ANO3: variants seen among roughly 807,000 people sequenced by gnomAD.
ANO3 encodes the protein anoctamin-3.
Under a neutral mutation model 144.8 loss-of-function variants are expected in ANO3, and 99 were observed. The observed-to-expected ratio is 0.68, with a 90% CI of 0.58 to 0.81. The LOEUF is 0.81. Ranked by LOEUF, ANO3 falls within the 30% of genes least tolerant of loss-of-function variation. The probability of loss-of-function intolerance (pLI) is 0.00; values close to 1 mark genes in which losing one functional copy is unlikely to be tolerated. For synonymous variants in ANO3, 414 were observed against 392.6 expected (o/e 1.05, Z -0.64); for missense variants, 905 against 1,202.2 (o/e 0.75, Z 3.66).
At chr11:26,400,831 G>T (rs1172546235) in intron 1 of ANO3, among the ~76,000 whole-genome samples, 1 of 137,234 alleles carries the variant, frequency 7.3e-6, no homozygotes, top group African/African-American at 2.7e-5. Flanking sequence ...TAGCCTATTT[G>T]CTGCCTAGAT....
chr11:26,489,586 C>T (rs1318707711), intron 4 of ANO3, among the ~76,000 whole-genome samples: 3 of 152,230 alleles, frequency 2.0e-5, no homozygotes, highest in African/African-American at 7.2e-5. Flanking sequence ...GCACTCAACA[C>T]TAGTGCATGA....
rs143117865 is a variant in ANO3 at position 26,549,087 on chromosome 11, A to T, written c.1289+1537A>T. ...ATGATACAGACTTCCCCACTCCACC[A>T]CTACAAAGCTGAAAATGAACAAAGA... On this transcript the variant is annotated intron_variant, in intron 12 of 26. Transcript: ENST00000256737. 6.2e-3 allele frequency among the ~76,000 whole-genome samples: 948 copies of T among 152,070 alleles called. 7 individuals are homozygous for T. Among genetic ancestry groups the T allele is most frequent in the African/African-American group, 0.021 (863 of 41,518 alleles).
At chr11:26,265,115 C>T (rs1853279353) in intron 1 of ANO3, among the ~76,000 whole-genome samples, 1 of 152,094 alleles carries the variant, frequency 6.6e-6, no homozygotes, top group African/African-American at 2.4e-5. Flanking sequence ...ATTTTTTCTA[C>T]TTTTGTATAT....
At chr11:26,610,898 C>T (rs1852080751) in intron 17 of ANO3, among the ~76,000 whole-genome samples, 1 of 152,060 alleles carries the variant, frequency 6.6e-6, no homozygotes, top group African/African-American at 2.4e-5. Context: ...CTATCCAGTT[C>T]ATCTATGTTC....
At chr11:26,347,386 G>A (rs1415636880) in intron 1 of ANO3, among the ~76,000 whole-genome samples, 1 of 152,204 alleles carries the variant, frequency 6.6e-6, no homozygotes, top group South Asian at 2.1e-4. Flanking sequence ...ATATTTATTG[G>A]ATATCTAGCA....
At chr11:26,634,573 C>G (rs1165981396) in intron 19 of ANO3, among the ~76,000 whole-genome samples, 1 of 152,164 alleles carries the variant, frequency 6.6e-6, no homozygotes, top group Non-Finnish European at 1.5e-5. Context: ...TTCTACCTAT[C>G]ATCTTAACAT....
In ANO3 at chr11:26,525,694, A is replaced by C. The variant is rs764678739; in HGVS notation, c.737+15A>C. ...TCAATGGGCAGGTTGGTGGGTGATG[A>C]ATCATTTCTTTATAACAAATTTGTC... On this transcript the variant is annotated intron_variant, in intron 7 of 26. Transcript: ENST00000256737. The C allele has an allele frequency of 3.1e-6, 5 of 1,599,432 alleles. No homozygotes were observed. The East Asian group carries it at 9.0e-5, about 29-fold the overall frequency.
At chr11:26,433,038 G>T (rs905410683) in intron 1 of ANO3, among the ~76,000 whole-genome samples, 2 of 152,088 alleles carry the variant, frequency 1.3e-5, no homozygotes, top group Admixed American at 1.3e-4. Context: ...CCTGAGCATG[G>T]AATGTTCTTG....
chr11:26,328,592 C>T (rs1271812290), upstream of ANO3, among the ~76,000 whole-genome samples: 1 of 152,156 alleles, frequency 6.6e-6, no homozygotes, highest in East Asian at 1.9e-4. Context: ...GTGATGTAAA[C>T]ATCAGAGTTT....
chr11:26,438,252 A>T (rs932478805), intron 1 of ANO3, among the ~76,000 whole-genome samples: 3 of 152,208 alleles, frequency 2.0e-5, no homozygotes, highest in Admixed American at 6.5e-5. Context: ...GAAAGTTTTT[A>T]AAACACCTGA....
At chr11:26,487,894 G>A (rs1860525070) in intron 4 of ANO3, among the ~76,000 whole-genome samples, 1 of 152,188 alleles carries the variant, frequency 6.6e-6, no homozygotes, top group Admixed American at 6.5e-5. Flanking sequence ...TAGGCCAAGT[G>A]CAGTAGCTCA....
In ANO3 at chr11:26,599,080, C is replaced by T. The variant is rs1016559524; in HGVS notation, c.1671+82C>T. ...TCAATGATACCAACTCATTTTGTGA[C>T]GTTGAGAATGTCAGAAACCTTATTC... On this transcript the variant is annotated intron_variant, in intron 16 of 26. Transcript: ENST00000256737. The T allele has an allele frequency of 2.8e-5, 40 of 1,423,178 alleles. No homozygotes were observed. In the Middle Eastern group the frequency reaches 7.0e-4, roughly 25 times the overall value. The allele number at this position is 1,423,178 out of a possible 1,614,324, so 88.2% of individuals were successfully genotyped here.
intron 1 of ANO3, among the ~76,000 whole-genome samples, chr11:26,272,195 G>A (rs1853453907): frequency 6.6e-6 from 1 of 151,774 alleles, no homozygotes; most frequent in South Asian, 2.1e-4. Flanking sequence ...AATAACACAT[G>A]GGATCCATGG....
intron 1 of ANO3, among the ~76,000 whole-genome samples, chr11:26,200,047 G>A (rs374392278): frequency 6.6e-6 from 1 of 152,206 alleles, no homozygotes; most frequent in East Asian, 1.9e-4. Context: ...AAGACTATGA[G>A]GCTTCGAACT....
At chr11:26,524,385 G>T (rs959127717) in intron 6 of ANO3, among the ~76,000 whole-genome samples, 1 of 152,148 alleles carries the variant, frequency 6.6e-6, no homozygotes, top group Non-Finnish European at 1.5e-5. Flanking sequence ...GTGAAATATG[G>T]TATCTCCAAA....
chr11:26,363,989 C>T (rs145309484), intron 1 of ANO3, among the ~76,000 whole-genome samples: 1 of 152,266 alleles, frequency 6.6e-6, no homozygotes, highest in Non-Finnish European at 1.5e-5. Context: ...CCTTATAGGA[C>T]TGGCTTTATA....
Position 26,270,806 on chromosome 11 carries a change from G to A in ANO3, c.155-38839G>A, listed in dbSNP as rs140678532. On this transcript the variant is annotated intron_variant, in intron 1 of 27. Coordinates refer to the ANO3 transcript ENST00000672621. ...GAATATTCTCCTTGACATATGAAAAGGATGCTTTGTAAACATAGGGAGCAT... is the reference window on the plus strand; with the variant it reads ...GAATATTCTCCTTGACATATGAAAAAGATGCTTTGTAAACATAGGGAGCAT... Among the ~76,000 whole-genome samples the A allele has an allele frequency of 1.1e-4, 16 of 152,296 alleles. No homozygotes were observed. The East Asian group carries it at 3.1e-3, about 29-fold the overall frequency.
chr11:26,321,109 A>G (rs904477747), intron 1 of ANO3, among the ~76,000 whole-genome samples: 3 of 152,056 alleles, frequency 2.0e-5, no homozygotes, highest in Non-Finnish European at 2.9e-5. Context: ...TTTATTACAT[A>G]TTACTTTTAT....
At chr11:26,241,038 G>C (rs1476075537) in intron 1 of ANO3, among the ~76,000 whole-genome samples, 1 of 152,054 alleles carries the variant, frequency 6.6e-6, no homozygotes, top group Non-Finnish European at 1.5e-5. Flanking sequence ...TGAATCATGG[G>C]GGCAGGTCTT....
Sources: allele counts gnomAD v4.1 joint callset (sites outside exome capture counted in the v4.1 genomes callset), GRCh38; gene constraint gnomAD v4.1.1; transcripts MANE v1.5; gene names NCBI Gene and HGNC (gene_info 2026-07-23, HGNC 2026-07-21).